Variants in DPH3 observed in about 807,000 individuals in gnomAD.
DPH3 encodes diphthamide biosynthesis protein 3.
A neutral mutation model predicts 10.2 loss-of-function variants in DPH3; 8 were observed. The observed-to-expected ratio is 0.79, with a 90% CI of 0.46 to 1.42. The LOEUF is 1.42. Ranked by LOEUF, DPH3 falls within the 40% of genes most tolerant of loss-of-function variation. The probability of loss-of-function intolerance (pLI) is 0.00; values close to 1 mark genes in which losing one functional copy is unlikely to be tolerated. For missense variants in DPH3, 96 were observed against 98.9 expected (o/e 0.97, Z 0.12); for synonymous variants, 35 against 35.6 (o/e 0.98, Z 0.06).
At position 16,264,769 on chromosome 3, in the gene DPH3, C is replaced by T; in HGVS notation, c.108G>A (p.Lys36=). ...CCGCCGGGCGGGACCCTGAAGTTAC[C>T]TTGGTGATGGAGAAGTTATCTCCAC... is the stretch of plus-strand genomic sequence containing the variant. The part of the protein sequence containing the change: ...CPCGDNFSIT[K]EDLENGEDVA... The change falls in exon 1 of 3, where the codon AAG becomes AAA. Residue 36 remains lysine, a splice_region_variant and synonymous_variant. Coordinates refer to ENST00000488423, the MANE Select transcript of DPH3 (RefSeq NM_206831.3). 1 of 1,614,058 alleles carries T rather than the reference C, an allele frequency of 6.2e-7. No homozygotes were observed. The highest frequency in any genetic ancestry group is 8.5e-7 in the Non-Finnish European group (1 of 1,179,944).
Position 16,257,922 on chromosome 3 carries a change from A to G in DPH3, c.*2842T>C, listed in dbSNP as rs949529807. On this transcript the variant is annotated 3_prime_UTR_variant, in exon 3 of 3. Transcript: ENST00000488423. ...TAAGATTTCTACCTCATATAAAATC[A>G]TAAACATTTTAATTCAAAATGTTGA... 1 of 152,278 alleles carries G rather than the reference A, an allele frequency of 6.6e-6. No individual in the cohort carries two copies. The highest frequency in any genetic ancestry group is 2.4e-5 in the African/African-American group (1 of 41,474). 9.4% of individuals were successfully genotyped at this position (152,278 alleles called of 1,614,324 possible). A position where few individuals can be genotyped will look rare whatever the true frequency, so the allele number is the denominator to read the frequency against.
chr3:16,264,444 TCG>T (rs2064355935), intron 1 of DPH3: 2 of 540,748 alleles, frequency 3.7e-6, no homozygotes, highest in Non-Finnish European at 6.5e-6. Flanking sequence ...CGAGCTTCGG[TCG>T]CCCCAAAAGC....
chr3:16,264,563 G>C, intron 1 of DPH3: 1 of 608,530 alleles, frequency 1.6e-6, no homozygotes, highest in Non-Finnish European at 2.9e-6. Flanking sequence ...CCCTCTCCCT[G>C]ACCTAATCTA....
rs903252134 is a variant in DPH3 at position 16,260,598 on chromosome 3, T to C, written c.*166A>G. 3 of 554,862 alleles carry C rather than the reference T, an allele frequency of 5.4e-6. No homozygotes were observed. The highest frequency in any genetic ancestry group is 9.8e-6 in the Non-Finnish European group (3 of 307,150). The allele number at this position is 554,862 out of a possible 1,614,324, so 34.4% of individuals were successfully genotyped here. On this transcript the variant is annotated 3_prime_UTR_variant, in exon 3 of 3. Transcript: ENST00000488423. Reference sequence around the variant, plus strand: ...CACAAAATCCAGATATGTCATGTTATGGACTTGCTTCCTGAAGATGATATC... The same window carrying C: ...CACAAAATCCAGATATGTCATGTTACGGACTTGCTTCCTGAAGATGATATC...
chr3:16,260,516 T>A lies in DPH3; in HGVS notation c.*248A>T, dbSNP rs2064285435. 2.3e-6 allele frequency: 1 copy of A among 429,640 alleles called. No individual in the cohort carries two copies. The highest frequency in any genetic ancestry group is 3.4e-5 in the East Asian group (1 of 29,678). 26.6% of individuals were successfully genotyped at this position (429,640 alleles called of 1,614,324 possible). ...GGGAAAGAAAGCACTGTTTTGAAAT[T>A]ATCTTCTTTTAAATTTAGATGCATA... On this transcript the variant is annotated 3_prime_UTR_variant, in exon 3 of 3. Transcript: ENST00000488423.
Position 16,258,131 on chromosome 3 carries a change from C to A in DPH3, c.*2633G>T, listed in dbSNP as rs1006989175. ...ATATATGCAGAATCCTTTAAACAGT[C>A]GACTTCATATTTTAAACTTGTAAGT... On this transcript the variant is annotated 3_prime_UTR_variant, in exon 3 of 3. Coordinates refer to ENST00000488423, the MANE Select transcript of DPH3 (RefSeq NM_206831.3). 10 of 152,166 alleles carry A rather than the reference C, an allele frequency of 6.6e-5. No individual in the cohort carries two copies. Among genetic ancestry groups the A allele is most frequent in the Admixed American group, 2.0e-4 (3 of 15,280 alleles). 9.4% of individuals were successfully genotyped at this position (152,166 alleles called of 1,614,324 possible).
At chr3:16,264,346 G>A in intron 1 of DPH3, 117 bp from the exon 2 acceptor site, 1 of 708,780 alleles carries the variant, frequency 1.4e-6, no homozygotes, top group South Asian at 2.2e-5. Flanking sequence ...CCCCAAGGTG[G>A]GTGAGAACCC....
At chr3:16,264,345 G>A (rs896907733) in intron 1 of DPH3, 116 bp from the exon 2 acceptor site, 49 of 723,540 alleles carry the variant, frequency 6.8e-5, no homozygotes, top group Non-Finnish European at 1.0e-4. Flanking sequence ...CCCCCAAGGT[G>A]GGTGAGAACC....
rs376648604 is a variant in DPH3, at chr3:16,260,147, T to C, written c.*617A>G. On this transcript the variant is annotated 3_prime_UTR_variant, in exon 3 of 3. Transcript: ENST00000488423. Reference sequence around the variant, plus strand: ...TCACTAACTTTTAGCTCTGGAGACATTGTGACCTCACTGTATTTTCTCTTT... The same window carrying C: ...TCACTAACTTTTAGCTCTGGAGACACTGTGACCTCACTGTATTTTCTCTTT... 2.0e-5 allele frequency: 3 copies of C among 152,266 alleles called. No homozygotes were observed. Among genetic ancestry groups the C allele is most frequent in the Non-Finnish European group, 4.4e-5 (3 of 68,058 alleles). The allele number at this position is 152,266 out of a possible 1,614,324, so 9.4% of individuals were successfully genotyped here.
At chr3:16,264,110 C>A (rs1397245830) in intron 2 of DPH3, 45 bp downstream of exon 2, 52 of 1,404,570 alleles carry the variant, frequency 3.7e-5, no homozygotes, top group Non-Finnish European at 5.0e-5. Context: ...GTCCTTGCCA[C>A]TGACTTACAA....
Position 16,264,931 on chromosome 3 carries a change from A to G in DPH3, c.-55T>C. The G allele has an allele frequency of 1.3e-6, 2 of 1,595,512 alleles. No homozygotes were observed. Among genetic ancestry groups the G allele is most frequent in the Non-Finnish European group, 1.7e-6 (2 of 1,165,926 alleles). ...CCCCAGCAGTCCGAGGCCAGCTCCG[A>G]GGGTTTAACTTCGCCGGAACCGGCC... On this transcript the variant is annotated 5_prime_UTR_variant, in exon 1 of 3. Transcript: ENST00000488423.
Position 16,263,127 on chromosome 3 carries a change from A to C in DPH3, c.183+1028T>G, listed in dbSNP as rs939005237. 1.4e-5 allele frequency among the ~76,000 whole-genome samples: 2 copies of C among 147,348 alleles called. No homozygotes were observed. The highest frequency in any genetic ancestry group is 2.0e-4 in the East Asian group (1 of 5,008). On this transcript the variant is annotated intron_variant, in intron 2 of 2. Transcript: ENST00000488423. This position sits in a 1 kb window ranked among gnomAD's most constrained non-coding sequence, Gnocchi z 4.0. ...AATGGTTCCCTATATCACTCACAACAAGAGCCTAAGTCCTTAAAGTGATCC... is the reference window on the plus strand; with the variant it reads ...AATGGTTCCCTATATCACTCACAACCAGAGCCTAAGTCCTTAAAGTGATCC...
chr3:16,264,482 T>C (rs979891044), intron 1 of DPH3: 24 of 557,388 alleles, frequency 4.3e-5, no homozygotes, highest in Non-Finnish European at 6.3e-5. Flanking sequence ...ACGAGTCCCC[T>C]CCTCGACAGA....
intron 2 of DPH3, 30 bp from the exon 3 acceptor site, chr3:16,260,859 A>C (rs1196244656): frequency 1.3e-6 from 2 of 1,599,228 alleles, no homozygotes; most frequent in Non-Finnish European, 1.7e-6. Context: ...GACATTAACC[A>C]ATGAATTTCC....
In DPH3 at chr3:16,257,501, T is replaced by C. The variant is rs1450121431; in HGVS notation, c.*3263A>G. 6.6e-6 allele frequency among the ~76,000 whole-genome samples: 1 copy of C among 152,258 alleles called. No homozygotes were observed. Among genetic ancestry groups the C allele is most frequent in the African/African-American group, 2.4e-5 (1 of 41,468 alleles). Reference sequence around the variant, plus strand: ...ACTTCTTTGCCTAGTGCATAGCACATGACAGCTATTTTTCTAATTGCAGAA... The same window carrying C: ...ACTTCTTTGCCTAGTGCATAGCACACGACAGCTATTTTTCTAATTGCAGAA... On this transcript the variant is annotated 3_prime_UTR_variant, in exon 3 of 3. Transcript: ENST00000488423.
Position 16,264,772 on chromosome 3 carries a change from G to C in DPH3, c.105C>G (p.Thr35=). 6.2e-7 allele frequency: 1 copy of C among 1,614,034 alleles called. No homozygotes were observed. The highest frequency in any genetic ancestry group is 8.5e-7 in the Non-Finnish European group (1 of 1,179,920). The change falls in exon 1 of 3, where the codon ACC becomes ACG. Residue 35 remains threonine, a synonymous_variant. Coordinates refer to ENST00000488423, the MANE Select transcript of DPH3 (RefSeq NM_206831.3). The stretch of plus-strand genomic sequence containing the variant: ...CCGGGCGGGACCCTGAAGTTACCTT[G>C]GTGATGGAGAAGTTATCTCCACATG... ...PCPCGDNFSI[T]KEDLENGEDV...
At position 16,260,166 on chromosome 3, in the gene DPH3, T is replaced by C. The variant is rs1417525902; in HGVS notation, c.*598A>G. ...GAGACATTGTGACCTCACTGTATTT[T>C]CTCTTTAATACTATGACCAAACTCT... On this transcript the variant is annotated 3_prime_UTR_variant, in exon 3 of 3. Coordinates refer to ENST00000488423, the MANE Select transcript of DPH3 (RefSeq NM_206831.3). 6.6e-6 allele frequency: 1 copy of C among 152,236 alleles called. No homozygotes were observed. The highest frequency in any genetic ancestry group is 2.4e-5 in the African/African-American group (1 of 41,448). The allele number at this position is 152,236 out of a possible 1,614,324, so 9.4% of individuals were successfully genotyped here. A position where few individuals can be genotyped will look rare whatever the true frequency, so the allele number is the denominator to read the frequency against.
At chr3:16,264,729 G>T in intron 1 of DPH3, 40 bp downstream of exon 1, 1 of 1,598,180 alleles carries the variant, frequency 6.3e-7, no homozygotes. Flanking sequence ...ACCAAACTGC[G>T]CTTGCTTGGG....
Position 16,261,533 on chromosome 3 carries a change from A to C in DPH3, c.184-704T>G, listed in dbSNP as rs1326148723. ...TTCTCAAAATGTCCTTTTATCCCCAAGAGCACTGGTAATATCTGGAAACAG... is the reference window on the plus strand; with the variant it reads ...TTCTCAAAATGTCCTTTTATCCCCACGAGCACTGGTAATATCTGGAAACAG... On this transcript the variant is annotated intron_variant, in intron 2 of 2. Transcript: ENST00000488423. This position sits in a 1 kb window ranked among gnomAD's most constrained non-coding sequence, Gnocchi z 7.1. Among the ~76,000 whole-genome samples the C allele has an allele frequency of 6.6e-6, 1 of 152,174 alleles. No individual in the cohort carries two copies. The highest frequency in any genetic ancestry group is 1.5e-5 in the Non-Finnish European group (1 of 68,046).
Sources: gnomAD v4.1 joint callset for allele counts (sites outside exome capture counted in the v4.1 genomes callset) on GRCh38, gnomAD v4.1.1 for gene constraint, Gnocchi (gnomAD v3.1) non-coding constraint, MANE v1.5 for transcripts, NCBI Gene and HGNC (gene_info 2026-07-23, HGNC 2026-07-21) for gene names.